Variants in RPS6KA6 observed in about 807,000 individuals in gnomAD.
The protein encoded by RPS6KA6 is ribosomal protein S6 kinase A6.
RPS6KA6 carries 27 observed loss-of-function variants against 65.4 expected under a neutral mutation model. The ratio of observed to expected loss-of-function variants is 0.41; its 90% CI spans 0.30 to 0.57. RPS6KA6 has a LOEUF of 0.57. Among genes scored for constraint, RPS6KA6 ranks in the 20% least tolerant of loss-of-function variants. The pLI is 0.24. For missense variants in RPS6KA6, 486 were observed against 555.6 expected (o/e 0.87, Z 1.26); for synonymous variants, 190 against 184.2 (o/e 1.03, Z -0.26).
chrX:84,144,041 C>T (rs1436595432), intron 6 of RPS6KA6, among the ~76,000 whole-genome samples: 1 of 111,050 alleles, frequency 9.0e-6, no homozygotes, highest in Non-Finnish European at 1.9e-5. Flanking sequence ...GAACTCAAAA[C>T]GGATCCTAAA....
At position 84,115,565 on chromosome X, in the gene RPS6KA6, A is replaced by C. The variant is rs2034549449; in HGVS notation, c.1008+664T>G. Among the ~76,000 whole-genome samples the C allele has an allele frequency of 2.7e-5, 3 of 111,772 alleles. No homozygotes were observed. The South Asian group carries it at 1.1e-3, about 42-fold the overall frequency. On this transcript the variant is annotated intron_variant, in intron 12 of 21. Transcript: ENST00000262752. ...CCATATGAAGATTTCTCAAAGAACT[A>C]ATAATCAAAAAAATTTGACCCAGCA...
intron 6 of RPS6KA6, among the ~76,000 whole-genome samples, chrX:84,137,560 AGTAATTTC>A (rs1322458977): frequency 1.8e-5 from 2 of 111,848 alleles, no homozygotes; most frequent in Non-Finnish European, 3.8e-5. Context: ...AAAAGGTTAT[AGTAATTTC>A]CACTCCCATC....
chrX:84,077,908 CATCA>C (rs1490600974), intron 20 of RPS6KA6, among the ~76,000 whole-genome samples: 7 of 112,190 alleles, frequency 6.2e-5, no homozygotes, highest in Non-Finnish European at 1.3e-4. Flanking sequence ...GTCAAAAAAT[CATCA>C]GTCAGTCAAA....
chrX:84,099,604 A>T (rs1452465777), intron 18 of RPS6KA6, among the ~76,000 whole-genome samples: 1 of 111,245 alleles, frequency 9.0e-6, no homozygotes, highest in Non-Finnish European at 1.9e-5. Context: ...AGTTTATAAA[A>T]AGCTACAGAC....
At position 84,146,998 on chromosome X, in the gene RPS6KA6, AATGG is replaced by A; in HGVS notation, c.397_400del (p.Pro133LeufsTer17). 1 of 1,173,354 alleles carries A rather than the reference AATGG, an allele frequency of 8.5e-7. No individual in the cohort carries two copies. The highest frequency in any genetic ancestry group is 1.2e-6 in the Non-Finnish European group (1 of 865,889). ...CATACCATAGTGCAATTTGACAATA[AATGG>A]ATGATTTACTTCCACCAGTATATCC... On this transcript the variant is annotated frameshift_variant, in exon 5 of 22. Transcript: ENST00000262752. LOFTEE classifies it high-confidence loss of function.
chrX:84,126,333 C>A (rs922907356), intron 8 of RPS6KA6, among the ~76,000 whole-genome samples: 2 of 111,241 alleles, frequency 1.8e-5, no homozygotes, highest in Admixed American at 9.6e-5. Flanking sequence ...ACTGGAGCAA[C>A]CATATATACA....
chrX:84,172,868 GA>G (rs1430287563), intron 1 of RPS6KA6, among the ~76,000 whole-genome samples: 3 of 111,513 alleles, frequency 2.7e-5, no homozygotes, highest in African/African-American at 9.7e-5. Flanking sequence ...GTCATAAAAT[GA>G]CAAATACTAT....
At chrX:84,122,037 TAAC>T (rs2034679588) in intron 8 of RPS6KA6, among the ~76,000 whole-genome samples, 1 of 112,681 alleles carries the variant, frequency 8.9e-6, no homozygotes, top group African/African-American at 3.2e-5. Context: ...CACCAAAGTT[TAAC>T]AACTCTCTGC....
rs777035776 is a variant in RPS6KA6 at position 84,119,882 on chromosome X, TACCATAAGAAC to T, written c.781_789+2del. The T allele has an allele frequency of 8.7e-7, 1 of 1,153,521 alleles. No homozygotes were observed. The highest frequency in any genetic ancestry group is 1.8e-5 in the African/African-American group (1 of 54,837). ...CATAATTAAAACAAATAATGCTACT[TACCATAAGAAC>T]ACCATATGACCACCAATCAGCACTC... On this transcript the variant is annotated splice_donor_variant and coding_sequence_variant, in exon 9 of 22. Transcript: ENST00000262752. LOFTEE classifies it high-confidence loss of function.
At position 84,060,325 on chromosome X, in the gene RPS6KA6, T is replaced by G. The variant is rs1451512018; in HGVS notation, c.*3952A>C. ...AATATATACTTAATATGGCTTGCAT[T>G]TTTTTTTTTTTTTTTTTGAAATAAC... On this transcript the variant is annotated 3_prime_UTR_variant, in exon 22 of 22. Coordinates refer to ENST00000262752, the MANE Select transcript of RPS6KA6 (RefSeq NM_014496.5). 1 of 92,187 alleles carries G rather than the reference T, an allele frequency of 1.1e-5. No individual in the cohort carries two copies. The highest frequency in any genetic ancestry group is 2.1e-5 in the Non-Finnish European group (1 of 48,246). 7.6% of individuals were successfully genotyped at this position (92,187 alleles called of 1,213,427 possible).
At chrX:84,116,908 A>G in intron 11 of RPS6KA6, 152 bp downstream of exon 11, 7 of 386,096 alleles carry the variant, frequency 1.8e-5, no homozygotes, top group Non-Finnish European at 2.7e-5. Flanking sequence ...TCATGGACAT[A>G]ACAGAGTTTA....
At chrX:84,165,286 A>T (rs1602479908) in intron 1 of RPS6KA6, among the ~76,000 whole-genome samples, 2 of 111,012 alleles carry the variant, frequency 1.8e-5, no homozygotes, top group African/African-American at 3.3e-5. Context: ...AAAAAAAATT[A>T]AAAAGTAAAT....
intron 18 of RPS6KA6, among the ~76,000 whole-genome samples, chrX:84,099,115 C>T (rs1005866364): frequency 9.0e-6 from 1 of 111,308 alleles, no homozygotes; most frequent in African/African-American, 3.2e-5. Context: ...TTGAGGGCCA[C>T]TGCACAGAAA....
At chrX:84,140,067 A>G (rs1248161882) in intron 6 of RPS6KA6, among the ~76,000 whole-genome samples, 1 of 111,964 alleles carries the variant, frequency 8.9e-6, no homozygotes, top group Non-Finnish European at 1.9e-5. Context: ...GTCTCCTTCA[A>G]GTATTCAGTG....
chrX:84,167,748 G>A lies in RPS6KA6; in HGVS notation c.82-3361C>T, dbSNP rs200438397. On this transcript the variant is annotated intron_variant, in intron 1 of 21. Coordinates refer to ENST00000262752, the MANE Select transcript of RPS6KA6 (RefSeq NM_014496.5). ...GTTGCAAGGAGTTAGGGATAGGGAAGAGGCTGACTACAAAGAGGCATCACA... is the reference window on the plus strand; with the variant it reads ...GTTGCAAGGAGTTAGGGATAGGGAAAAGGCTGACTACAAAGAGGCATCACA... 3.6e-5 allele frequency among the ~76,000 whole-genome samples: 4 copies of A among 110,893 alleles called. No individual in the cohort carries two copies. The East Asian group carries it at 1.1e-3, about 32-fold the overall frequency.
chrX:84,175,090 G>T (rs2147634753), intron 1 of RPS6KA6, among the ~76,000 whole-genome samples: 1 of 111,409 alleles, frequency 9.0e-6, no homozygotes, highest in African/African-American at 3.3e-5. Flanking sequence ...CAGCAAAGAG[G>T]AATTCAGCTT....
At position 84,102,205 on chromosome X, in the gene RPS6KA6, T is replaced by C. The variant is rs2034272098; in HGVS notation, c.1615-7A>G. 9.9e-7 allele frequency: 1 copy of C among 1,010,749 alleles called. No individual in the cohort carries two copies. Among genetic ancestry groups the C allele is most frequent in the African/African-American group, 2.0e-5 (1 of 51,076 alleles). 83.3% of individuals were successfully genotyped at this position (1,010,749 alleles called of 1,213,427 possible). A position where few individuals can be genotyped will look rare whatever the true frequency, so the allele number is the denominator to read the frequency against. On this transcript the variant is annotated splice_polypyrimidine_tract_variant and splice_region_variant and intron_variant, in intron 17 of 21. Transcript: ENST00000262752. ...TAAGATCACGATGAACAACCTTGAA[T>C]ATAAAGGAAAAAAGCATTATATCTA...
intron 3 of RPS6KA6, among the ~76,000 whole-genome samples, 180 bp from the exon 4 acceptor site, chrX:84,148,303 C>T (rs371123058): frequency 9.1e-6 from 1 of 110,495 alleles, no homozygotes; most frequent in East Asian, 2.9e-4. Context: ...CAAAATTACC[C>T]TGATCTGATC....
intron 6 of RPS6KA6, among the ~76,000 whole-genome samples, chrX:84,143,391 A>G (rs377266443): frequency 9.0e-6 from 1 of 111,191 alleles, no homozygotes. Context: ...TACACAAAAA[A>G]TCGGTTGTGT....
Sources: gnomAD v4.1 joint callset for allele counts (sites outside exome capture counted in the v4.1 genomes callset) on GRCh38, gnomAD v4.1.1 for gene constraint, MANE v1.5 for transcripts, NCBI Gene and HGNC (gene_info 2026-07-23, HGNC 2026-07-21) for gene names.